The following UNC79 variants were observed in gnomAD, a reference collection of about 807,000 sequenced individuals.
The protein encoded by UNC79 is unc-79 subunit of NALCN channel complex.
A neutral mutation model predicts 283.1 loss-of-function variants in UNC79; 37 were observed. The ratio of observed to expected loss-of-function variants is 0.13; its 90% confidence interval spans 0.10 to 0.17. The LOEUF (loss-of-function observed/expected upper bound fraction) is 0.17. Among genes scored for constraint, UNC79 ranks in the 10% least tolerant of loss-of-function variants. UNC79 has a pLI of 1.00. For missense variants in UNC79, 2,272 were observed against 3,211.1 expected, an observed-to-expected ratio of 0.71 and a Z score of 7.07; for synonymous variants, 1,107 against 1,200.2, an observed-to-expected ratio of 0.92 and a Z score of 1.61.
At chr14:93,565,568 A>G (rs942066) in intron 14 of UNC79, among the ~76,000 whole-genome samples, 92,127 of 152,080 alleles carry the variant, frequency 0.61, 28,499 homozygotes, top group Admixed American at 0.68. Context: ...TGTCTTGAAA[A>G]TGGACCACCA....
intron 1 of UNC79, among the ~76,000 whole-genome samples, chr14:93,337,976 C>T (rs942063941): frequency 3.3e-5 from 5 of 152,148 alleles, no homozygotes; most frequent in Non-Finnish European, 7.4e-5. Context: ...CACCTCACCC[C>T]AGCAGCCAGT....
intron 14 of UNC79, among the ~76,000 whole-genome samples, chr14:93,553,438 A>T (rs995581114): frequency 6.6e-6 from 1 of 152,200 alleles, no homozygotes; most frequent in Non-Finnish European, 1.5e-5. Context: ...CTCTATTCTA[A>T]TGGCTCAGTC....
At chr14:93,347,341 G>C in intron 1 of UNC79, 1 of 1,540,932 alleles carries the variant, frequency 6.5e-7, no homozygotes, top group Non-Finnish European at 8.7e-7. Flanking sequence ...CCTGCAGCCC[G>C]CTCCCCGCTT....
chr14:93,504,047 A>T (rs906652061), intron 7 of UNC79, among the ~76,000 whole-genome samples: 21 of 151,928 alleles, frequency 1.4e-4, no homozygotes, highest in Non-Finnish European at 3.1e-4. Context: ...CTGTGGTACC[A>T]TTTTTGTCAT....
intron 14 of UNC79, among the ~76,000 whole-genome samples, chr14:93,552,956 A>G (rs974476444): frequency 1.3e-5 from 2 of 152,202 alleles, no homozygotes; most frequent in Admixed American, 6.5e-5. Context: ...AGTTTTTCCA[A>G]TGGGGTTTTA....
chr14:93,622,235 C>T, exon 30 of UNC79: 3 of 1,614,112 alleles, frequency 1.9e-6, no homozygotes, highest in Non-Finnish European at 2.5e-6. Context: ...TGCCTCTTCT[C>T]CCTCCGTCCC....
chr14:93,493,893 A>ATTTTT (rs1257362806), intron 5 of UNC79, among the ~76,000 whole-genome samples: 1 of 39,192 alleles, frequency 2.6e-5, no homozygotes, highest in African/African-American at 7.7e-5. Flanking sequence ...ATATATATAT[A>ATTTTT]TATATATATT....
At chr14:93,363,342 T>G (rs2054263487) in intron 1 of UNC79, among the ~76,000 whole-genome samples, 1 of 152,202 alleles carries the variant, frequency 6.6e-6, no homozygotes, top group African/African-American at 2.4e-5. Flanking sequence ...GTTAAGATTT[T>G]GGTTTTTAAA....
exon 18 of UNC79, chr14:93,577,963 A>G: frequency 6.2e-7 from 1 of 1,614,190 alleles, no homozygotes; most frequent in Non-Finnish European, 8.5e-7. Context: ...CCTTTCAAGA[A>G]TTTTGGACAC....
At chr14:93,613,848 G>T (rs1347153589) in intron 27 of UNC79, among the ~76,000 whole-genome samples, 1 of 152,034 alleles carries the variant, frequency 6.6e-6, no homozygotes, top group Admixed American at 6.5e-5. Flanking sequence ...TCTTAATGAA[G>T]AAATCTTTCC....
At chr14:93,524,581 C>G in intron 8 of UNC79, among the ~76,000 whole-genome samples, 1 of 152,256 alleles carries the variant, frequency 6.6e-6, no homozygotes, top group Middle Eastern at 3.4e-3. Flanking sequence ...CCTAAGGTTG[C>G]CAGTTAGCAA....
intron 7 of UNC79, among the ~76,000 whole-genome samples, chr14:93,513,847 TGTTAAGCCAA>T (rs1201427385): frequency 6.6e-6 from 1 of 152,228 alleles, no homozygotes; most frequent in Non-Finnish European, 1.5e-5. Context: ...ATTTATAACT[TGTTAAGCCAA>T]GTATATTTCA....
At chr14:93,679,526 T>C (rs2073657002) in intron 41 of UNC79, among the ~76,000 whole-genome samples, 1 of 152,200 alleles carries the variant, frequency 6.6e-6, no homozygotes, top group Admixed American at 6.5e-5. Context: ...TACCTGCATA[T>C]TGAAGTTATG....
intron 31 of UNC79, 57 bp downstream of exon 33, chr14:93,630,965 C>A: frequency 6.8e-7 from 1 of 1,475,696 alleles, no homozygotes; most frequent in Admixed American, 1.7e-5. Context: ...ACACTGTCTG[C>A]TGCCTTGTTT....
chr14:93,675,587 T>G (rs182001700), intron 41 of UNC79, among the ~76,000 whole-genome samples: 2 of 152,182 alleles, frequency 1.3e-5, no homozygotes, highest in Non-Finnish European at 2.9e-5. Context: ...GTTGACCCAG[T>G]AGAGAAGATG....
At chr14:93,348,345 C>A in intron 1 of UNC79, 1 of 475,976 alleles carries the variant, frequency 2.1e-6, no homozygotes, top group Non-Finnish European at 3.7e-6. Flanking sequence ...AACACTTATT[C>A]GTGCTTGGTA....
At chr14:93,629,153 C>A (rs868630640) in intron 30 of UNC79, among the ~76,000 whole-genome samples, 1 of 152,154 alleles carries the variant, frequency 6.6e-6, no homozygotes, top group Admixed American at 6.5e-5. Flanking sequence ...GAGCTGAGTT[C>A]ATGCCACTGC....
chr14:93,621,567 A>G lies in UNC79; in HGVS notation c.4388-54A>G. On this transcript the variant is annotated intron_variant, in intron 29 of 48. Coordinates refer to ENST00000555664, the Ensembl canonical transcript of UNC79. This position sits in a 1 kb window ranked among gnomAD's most constrained non-coding sequence, Gnocchi z 4.8. ...AATTGTATGCCCAAGGATGAGGGGA[A>G]AAAATGGTGAAATCTCCAAGTAAAA... is the stretch of plus-strand genomic sequence containing the variant. The G allele has an allele frequency of 6.7e-7, 1 of 1,492,526 alleles. No individual in the cohort carries two copies. The highest frequency in any genetic ancestry group is 8.9e-7 in the Non-Finnish European group (1 of 1,123,136). 92.5% of individuals were successfully genotyped at this position (1,492,526 alleles called of 1,614,324 possible). A position where few individuals can be genotyped will look rare whatever the true frequency, so the allele number is the denominator to read the frequency against.
intron 1 of UNC79, chr14:93,348,397 G>A (rs1448534127): frequency 2.9e-6 from 1 of 347,372 alleles, no homozygotes; most frequent in East Asian, 5.4e-5. Context: ...GAAAGCTGAT[G>A]AAAATTTACC....
Sources: allele counts gnomAD v4.1 joint callset (sites outside exome capture counted in the v4.1 genomes callset), GRCh38; gene constraint gnomAD v4.1.1; non-coding constraint Gnocchi (gnomAD v3.1); transcripts MANE v1.5; gene names NCBI Gene and HGNC (gene_info 2026-07-23, HGNC 2026-07-21).